Variants in SEPTIN11 observed in about 807,000 individuals in gnomAD.
The protein encoded by SEPTIN11 is septin-11.
In SEPTIN11, 25 loss-of-function variants were observed where a neutral mutation model predicts 51.4. That is an observed-to-expected ratio of 0.49 (90% CI 0.35 to 0.68). SEPTIN11 has a LOEUF of 0.68. Ranked by LOEUF, SEPTIN11 falls within the 30% of genes least tolerant of loss-of-function variation. The pLI is 0.00. For synonymous variants in SEPTIN11, 174 were observed against 184.1 expected (o/e 0.95, Z 0.44); for missense variants, 381 against 520.8 (o/e 0.73, Z 2.61).
At position 76,963,353 on chromosome 4, in the gene SEPTIN11, C is replaced by G. The variant is rs192116114; in HGVS notation, c.27+13423C>G. Among the ~76,000 whole-genome samples the G allele has an allele frequency of 1.9e-3, 292 of 152,332 alleles. 2 individuals are homozygous for G. Among genetic ancestry groups the G allele is most frequent in the African/African-American group, 6.5e-3 (271 of 41,570 alleles). Reference sequence around the variant, plus strand: ...AGTGGGTAAAAGTTGATCTTCACAACAACTTTGTGAGGTGGGTTGGTTGGA... The same window carrying G: ...AGTGGGTAAAAGTTGATCTTCACAAGAACTTTGTGAGGTGGGTTGGTTGGA... On this transcript the variant is annotated intron_variant, in intron 1 of 9. Transcript: ENST00000264893.
chr4:76,966,841 G>C (rs1286501228), intron 1 of SEPTIN11, among the ~76,000 whole-genome samples: 2 of 152,074 alleles, frequency 1.3e-5, no homozygotes, highest in Non-Finnish European at 2.9e-5. Context: ...TCCAGCCTGG[G>C]AGACAGAGGG....
rs149946269 is a variant in SEPTIN11 at position 77,006,732 on chromosome 4, A to AT, written c.338+942dup. Among the ~76,000 whole-genome samples the AT allele has an allele frequency of 7.4e-3, 1,130 of 152,070 alleles. 15 individuals carry two copies. The highest frequency in any genetic ancestry group is 0.026 in the African/African-American group (1,078 of 41,468). On this transcript the variant is annotated intron_variant, in intron 3 of 9. Coordinates refer to ENST00000264893, the MANE Select transcript of SEPTIN11 (RefSeq NM_018243.4). Reference sequence around the variant, plus strand: ...GCTCAGACACTTTGCTTGTATCAGGATTTTTTCCCCATATTCCTCAAAACT... The same window carrying AT: ...GCTCAGACACTTTGCTTGTATCAGGATTTTTTTCCCCATATTCCTCAAAACT...
At position 77,031,144 on chromosome 4, in the gene SEPTIN11, T is replaced by C. The variant is rs1578210666; in HGVS notation, c.1274+174T>C. The C allele has an allele frequency of 2.6e-5, 16 of 611,858 alleles. 1 individual carries two copies. In the East Asian group the frequency reaches 4.5e-4, roughly 17 times the overall value. The allele number at this position is 611,858 out of a possible 1,614,324, so 37.9% of individuals were successfully genotyped here. ...AAGGTTTTTAAATTTTTTTAAAAGG[T>C]ACACAAAGATTAATTTATAAAACTT... On this transcript the variant is annotated intron_variant, in intron 9 of 9. Transcript: ENST00000264893.
At position 77,011,878 on chromosome 4, in the gene SEPTIN11, T is replaced by C; in HGVS notation, c.482T>C (p.Leu161Pro). ...LYFIAPTGHS[L>P]KSLDLVTMKK... ...TTTATTGCCCCTACTGGACATTCAC[T>C]AAAGTCCCTGGATCTGGTCACCATG... Residue 161 changes from leucine to proline, a missense_variant, in exon 4 of 10, where the codon CTA becomes CCA. Around this residue, in one of 2 missense-constraint regions of SEPTIN11, gnomAD observed 184 missense variants for 207.7 expected, o/e 0.89. Coordinates refer to ENST00000264893, the MANE Select transcript of SEPTIN11 (RefSeq NM_018243.4). The C allele has an allele frequency of 6.2e-7, 1 of 1,614,108 alleles. No homozygotes were observed. Among genetic ancestry groups the C allele is most frequent in the South Asian group, 1.1e-5 (1 of 91,074 alleles).
At chr4:76,989,477 C>T (rs569941363) in intron 1 of SEPTIN11, among the ~76,000 whole-genome samples, 6 of 152,256 alleles carry the variant, frequency 3.9e-5, no homozygotes, top group South Asian at 2.1e-4. Context: ...TCAGAGGCTA[C>T]GGCCTATCTA....
intron 2 of SEPTIN11, among the ~76,000 whole-genome samples, chr4:77,000,989 C>T (rs576210434): frequency 1.9e-3 from 287 of 152,276 alleles, no homozygotes; most frequent in Non-Finnish European, 3.2e-3. Context: ...GTGAAAGATG[C>T]TGAATCACAG....
At chr4:77,010,755 G>A (rs372963650) in intron 3 of SEPTIN11, among the ~76,000 whole-genome samples, 1 of 152,154 alleles carries the variant, frequency 6.6e-6, no homozygotes, top group African/African-American at 2.4e-5. Flanking sequence ...TCTTCGGAAA[G>A]GCAATAAAGT....
rs1724424860 is a variant in SEPTIN11 at position 77,005,602 on chromosome 4, T to G, written c.144T>G (p.Gly48=). 6.2e-7 allele frequency: 1 copy of G among 1,612,438 alleles called. No homozygotes were observed. The highest frequency in any genetic ancestry group is 1.1e-5 in the South Asian group (1 of 90,870). The part of the protein sequence containing the change: ...QGFCFNILCV[G]ETGIGKSTLM... The stretch of plus-strand genomic sequence containing the variant: ...GATTTTTCTTTTGTGGTTATGTAGG[T>G]GAGACAGGCATTGGCAAATCCACGT... The change falls in exon 3 of 10, where the codon GGT becomes GGG. Residue 48 remains glycine, a splice_region_variant and synonymous_variant. Coordinates refer to ENST00000264893, the MANE Select transcript of SEPTIN11 (RefSeq NM_018243.4).
At chr4:77,003,657 C>A (rs1385010630) in intron 2 of SEPTIN11, among the ~76,000 whole-genome samples, 1 of 152,200 alleles carries the variant, frequency 6.6e-6, no homozygotes, top group African/African-American at 2.4e-5. Flanking sequence ...TACAGGCAAG[C>A]CATATAAGGC....
rs1434010628 is a variant in SEPTIN11, at chr4:76,984,591, A to C, written c.28-11834A>C. ...GGAAATACTGAGGAATAGATGTGTG[A>C]ATATGAGTAGCACAGGACATAAAAA... On this transcript the variant is annotated intron_variant, in intron 1 of 9. Transcript: ENST00000264893. This position sits in a 1 kb window ranked among gnomAD's most constrained non-coding sequence, Gnocchi z 4.1. Among the ~76,000 whole-genome samples, 1 of 152,234 alleles carries C rather than the reference A, an allele frequency of 6.6e-6. No homozygotes were observed. The highest frequency in any genetic ancestry group is 1.5e-5 in the Non-Finnish European group (1 of 68,038).
At chr4:76,952,160 CAA>C (rs1190302468) in intron 1 of SEPTIN11, among the ~76,000 whole-genome samples, 2 of 152,156 alleles carry the variant, frequency 1.3e-5, no homozygotes. Flanking sequence ...GGCTTTAAAA[CAA>C]AGTCAATGAA....
In SEPTIN11 at chr4:77,038,015, A is replaced by G. The variant is rs775314048; in HGVS notation, c.*3503A>G. ...TACAAACTATTGGGTGAGGTTTTTC[A>G]GCTGTTACCGACCCACGTCCTGCTG... On this transcript the variant is annotated 3_prime_UTR_variant, in exon 10 of 10. Transcript: ENST00000264893. 2.0e-6 allele frequency: 2 copies of G among 985,746 alleles called. No homozygotes were observed. The highest frequency in any genetic ancestry group is 1.7e-5 in the African/African-American group (1 of 57,310). 61.1% of individuals were successfully genotyped at this position (985,746 alleles called of 1,614,324 possible).
At chr4:76,978,018 G>A (rs992418760) in intron 1 of SEPTIN11, among the ~76,000 whole-genome samples, 2 of 152,138 alleles carry the variant, frequency 1.3e-5, no homozygotes, top group African/African-American at 4.8e-5. Context: ...GTAAGCTTTG[G>A]TTGATTTTTC....
chr4:76,981,398 A>T (rs991985477), intron 1 of SEPTIN11, among the ~76,000 whole-genome samples: 1 of 152,242 alleles, frequency 6.6e-6, no homozygotes, highest in Non-Finnish European at 1.5e-5. Flanking sequence ...AAGCCAGCAT[A>T]TAAAATCTTC....
chr4:76,950,379 C>T (rs1721278207), intron 1 of SEPTIN11, among the ~76,000 whole-genome samples: 2 of 152,198 alleles, frequency 1.3e-5, no homozygotes, highest in Non-Finnish European at 2.9e-5. Context: ...GCTGTAGAAG[C>T]AGGTCAGAGG....
At chr4:76,967,197 A>G (rs891638969) in intron 1 of SEPTIN11, among the ~76,000 whole-genome samples, 1 of 152,196 alleles carries the variant, frequency 6.6e-6, no homozygotes, top group African/African-American at 2.4e-5. Flanking sequence ...ACTCCATCAC[A>G]AAAAAGAAAA....
chr4:77,003,803 C>T (rs1167877367), intron 2 of SEPTIN11, among the ~76,000 whole-genome samples: 1 of 152,092 alleles, frequency 6.6e-6, no homozygotes, highest in Non-Finnish European at 1.5e-5. Context: ...GGGAGGGTTG[C>T]CCAGAGCTTT....
intron 6 of SEPTIN11, among the ~76,000 whole-genome samples, chr4:77,019,495 T>C (rs147222453): frequency 9.7e-4 from 147 of 152,264 alleles, no homozygotes; most frequent in African/African-American, 3.3e-3. Context: ...CCCTCAAGGA[T>C]GCTGGGTTGT....
downstream of SEPTIN11, chr4:77,039,313 A>G (rs1727239159): frequency 5.5e-6 from 6 of 1,092,990 alleles, no homozygotes; most frequent in South Asian, 1.2e-4. Context: ...ATATTCAATA[A>G]TATTAATTAA....
Sources: allele counts gnomAD v4.1 joint callset (sites outside exome capture counted in the v4.1 genomes callset), GRCh38; gene constraint gnomAD v4.1.1; regional missense constraint gnomAD v4.1.1; non-coding constraint Gnocchi (gnomAD v3.1); transcripts MANE v1.5; gene names NCBI Gene and HGNC (gene_info 2026-07-23, HGNC 2026-07-21).